FAM83D: variants seen among roughly 807,000 people sequenced by gnomAD.
FAM83D encodes the protein protein FAM83D.
In FAM83D, 26 loss-of-function variants were observed where a neutral mutation model predicts 25.4. The ratio of observed to expected loss-of-function variants is 1.02; its 90% CI spans 0.75 to 1.42. FAM83D has a LOEUF of 1.42. FAM83D is among the 40% of genes most tolerant of loss of function. FAM83D has a pLI of 0.00. For missense variants in FAM83D, 740 were observed against 758.1 expected (o/e 0.98, Z 0.28); for synonymous variants, 310 against 318.5 (o/e 0.97, Z 0.28).
At chr20:38,935,971 G>T (rs2085677067) in intron 1 of FAM83D, among the ~76,000 whole-genome samples, 1 of 152,180 alleles carries the variant, frequency 6.6e-6, no homozygotes, top group African/African-American at 2.4e-5. Context: ...TTAGCAAGAG[G>T]GTCCTGAGAG....
intron 1 of FAM83D, among the ~76,000 whole-genome samples, chr20:38,936,461 C>A (rs1257437955): frequency 1.3e-5 from 2 of 152,050 alleles, no homozygotes; most frequent in Non-Finnish European, 2.9e-5. Flanking sequence ...ATGCCAGGAA[C>A]TGCCAGCAAA....
chr20:38,926,999 G>A (rs971052082), intron 1 of FAM83D, 74 bp downstream of exon 1: 33 of 1,401,494 alleles, frequency 2.4e-5, no homozygotes, highest in Non-Finnish European at 3.0e-5. Context: ...CCTGCTGGGA[G>A]TACGGGCCGG....
intron 1 of FAM83D, among the ~76,000 whole-genome samples, chr20:38,938,829 A>T (rs954039877): frequency 6.6e-6 from 1 of 152,112 alleles, no homozygotes; most frequent in African/African-American, 2.4e-5. Flanking sequence ...ACATTTATTG[A>T]AGTTGCTTAA....
In FAM83D at chr20:38,929,207, G is replaced by A. The variant is rs540968374; in HGVS notation, c.483+2282G>A. ...AAAAAAAAAAAAAAAAATCCAATGAGTATTTTCAGTGTGTCCGATAGATGC... is the reference window on the plus strand; with the variant it reads ...AAAAAAAAAAAAAAAAATCCAATGAATATTTTCAGTGTGTCCGATAGATGC... On this transcript the variant is annotated intron_variant, in intron 1 of 3. Coordinates refer to ENST00000619850, the MANE Select transcript of FAM83D (RefSeq NM_030919.3). 3.0e-3 allele frequency among the ~76,000 whole-genome samples: 453 copies of A among 151,574 alleles called. 3 individuals carry two copies. The highest frequency in any genetic ancestry group is 0.022 in the South Asian group (107 of 4,786).
chr20:38,951,260 G>A (rs2145809266), intron 3 of FAM83D, among the ~76,000 whole-genome samples: 1 of 152,146 alleles, frequency 6.6e-6, no homozygotes, highest in South Asian at 2.1e-4. Flanking sequence ...AACATAGCAA[G>A]ACCCCGTCTC....
In FAM83D at chr20:38,952,599, T is replaced by C; in HGVS notation, c.*79T>C. ...GCTTCCTGCTTTAAAAAATATCTTA[T>C]GTCCCTAATTGCCTTTCTTTTACCT... is the stretch of plus-strand genomic sequence containing the variant. On this transcript the variant is annotated 3_prime_UTR_variant, in exon 4 of 4. Coordinates refer to ENST00000619850, the MANE Select transcript of FAM83D (RefSeq NM_030919.3). 6.9e-7 allele frequency: 1 copy of C among 1,452,918 alleles called. No individual in the cohort carries two copies. The highest frequency in any genetic ancestry group is 9.3e-7 in the Non-Finnish European group (1 of 1,074,242). 90.0% of individuals were successfully genotyped at this position (1,452,918 alleles called of 1,614,324 possible).
intron 2 of FAM83D, 84 bp from the exon 3 acceptor site, chr20:38,947,792 T>A: frequency 6.6e-6 from 10 of 1,512,156 alleles, no homozygotes; most frequent in Non-Finnish European, 9.0e-6. Context: ...AATTGTAAAC[T>A]AAGGCTTTTT....
chr20:38,935,318 T>C (rs2085674307), intron 1 of FAM83D, among the ~76,000 whole-genome samples: 1 of 152,214 alleles, frequency 6.6e-6, no homozygotes, highest in Non-Finnish European at 1.5e-5. Flanking sequence ...GTGTACTTCA[T>C]GCTGGAATAG....
At position 38,926,428 on chromosome 20, in the gene FAM83D, A is replaced by G; in HGVS notation, c.-15A>G. ...GCCGGTTTTTGTCCGAGGGCTGTCGAGTCCGAGCGCCGCCATGGCTCTGCT... is the reference window on the plus strand; with the variant it reads ...GCCGGTTTTTGTCCGAGGGCTGTCGGGTCCGAGCGCCGCCATGGCTCTGCT... On this transcript the variant is annotated 5_prime_UTR_variant, in exon 1 of 4. Coordinates refer to ENST00000619850, the MANE Select transcript of FAM83D (RefSeq NM_030919.3). 3 of 1,597,726 alleles carry G rather than the reference A, an allele frequency of 1.9e-6. No individual in the cohort carries two copies. The highest frequency in any genetic ancestry group is 1.1e-5 in the South Asian group (1 of 90,894).
chr20:38,946,395 AG>A (rs1445144018), intron 2 of FAM83D, among the ~76,000 whole-genome samples: 4 of 152,122 alleles, frequency 2.6e-5, no homozygotes, highest in Non-Finnish European at 5.9e-5. Flanking sequence ...TGTACAGAAA[AG>A]TTTCATGTAC....
chr20:38,926,739 CACCT>C lies in FAM83D; in HGVS notation c.300_303del (p.Tyr101SerfsTer61), dbSNP rs2085637092. The C allele has an allele frequency of 1.3e-6, 2 of 1,532,176 alleles. No individual in the cohort carries two copies. Among genetic ancestry groups the C allele is most frequent in the Non-Finnish European group, 1.7e-6 (2 of 1,146,112 alleles). 94.9% of individuals were successfully genotyped at this position (1,532,176 alleles called of 1,614,324 possible). On this transcript the variant is annotated frameshift_variant, in exon 1 of 4. Coordinates refer to ENST00000619850, the MANE Select transcript of FAM83D (RefSeq NM_030919.3). LOFTEE classifies it high-confidence loss of function. ...GCTCCTCGCACGACTGCTCTTCGGG[CACCT>C]ACTTCCCCGAGCAGTCGGACCTGGA... is the stretch of plus-strand genomic sequence containing the variant.
At chr20:38,943,600 G>C (rs1301511154) in intron 2 of FAM83D, among the ~76,000 whole-genome samples, 1 of 152,192 alleles carries the variant, frequency 6.6e-6, no homozygotes, top group East Asian at 1.9e-4. Flanking sequence ...AAGTGTTTCA[G>C]TGGAAGCCTA....
chr20:38,951,782 T>A lies in FAM83D; in HGVS notation c.1020T>A (p.Thr340=). 1 of 1,614,066 alleles carries A rather than the reference T, an allele frequency of 6.2e-7. No homozygotes were observed. The highest frequency in any genetic ancestry group is 1.7e-5 in the Admixed American group (1 of 60,022). Residue 340 remains threonine, a synonymous_variant, in exon 4 of 4, where the codon ACT becomes ACA. Transcript: ENST00000619850. ...TGCGGCTGGCTAGGCTGTCAAGTAC[T>A]CCCAGGAAGGCGGACCTGGACCCAG... is the stretch of plus-strand genomic sequence containing the variant. ...LRMRLARLSS[T]PRKADLDPEM...
intron 1 of FAM83D, among the ~76,000 whole-genome samples, chr20:38,927,640 C>T (rs2085642108): frequency 1.3e-5 from 2 of 151,434 alleles, no homozygotes; most frequent in South Asian, 2.1e-4. Flanking sequence ...CTGGGATTAC[C>T]GGTGCCCGCC....
rs184561141 is a variant in FAM83D, at chr20:38,933,405, C to A, written c.483+6480C>A. ...GTACACTTAAAAATTATTAAGATGG[C>A]AAACTTATCTATTTTACCACAATAA... On this transcript the variant is annotated intron_variant, in intron 1 of 3. Coordinates refer to ENST00000619850, the MANE Select transcript of FAM83D (RefSeq NM_030919.3). Among the ~76,000 whole-genome samples, 5 of 152,314 alleles carry A rather than the reference C, an allele frequency of 3.3e-5. No individual in the cohort carries two copies. In the East Asian group the frequency reaches 9.6e-4, roughly 29 times the overall value.
At chr20:38,934,969 T>A (rs765083679) in intron 1 of FAM83D, among the ~76,000 whole-genome samples, 4 of 152,230 alleles carry the variant, frequency 2.6e-5, no homozygotes, top group Non-Finnish European at 5.9e-5. Context: ...TGCTACCTTT[T>A]ACCTATAGGG....
chr20:38,935,225 ACAATT>A (rs1353202602), intron 1 of FAM83D, among the ~76,000 whole-genome samples: 2 of 152,164 alleles, frequency 1.3e-5, no homozygotes, highest in African/African-American at 4.8e-5. Flanking sequence ...TAAAATAAAA[ACAATT>A]CAAAATGATA....
rs746291763 is a variant in FAM83D, at chr20:38,951,805, C to G, written c.1043C>G (p.Pro348Arg). 3.7e-6 allele frequency: 6 copies of G among 1,614,056 alleles called. No individual in the cohort carries two copies. In the African/African-American group the frequency reaches 5.3e-5, roughly 14 times the overall value. The stretch of plus-strand genomic sequence containing the variant: ...ACTCCCAGGAAGGCGGACCTGGACC[C>G]AGAGATGCCCGCAGAGGGCAAGGCA... ...SSTPRKADLD[P>R]EMPAEGKAER... The change falls in exon 4 of 4, where the codon CCA (proline) becomes CGA (arginine). Residue 348 changes from proline (P) to arginine (R), a missense_variant. By Grantham distance (103) the Pro-to-Arg change is moderately radical (BLOSUM62 -2). Around this residue, in one of 3 missense-constraint regions of FAM83D, gnomAD observed 375 missense variants for 403.2 expected, o/e 0.93. Transcript: ENST00000619850.
Position 38,952,243 on chromosome 20 carries a change from C to T in FAM83D, c.1481C>T (p.Pro494Leu), listed in dbSNP as rs537005574. 39 of 1,614,170 alleles carry T rather than the reference C, an allele frequency of 2.4e-5. No individual in the cohort carries two copies. Among genetic ancestry groups the T allele is most frequent in the South Asian group, 4.4e-5 (4 of 91,088 alleles). ...TCTGTGGCAAGCTCCACTGGTTCTC[C>T]CGCTTCCATCAGAACCACTGACTTC... ...QGSVASSTGSPASIRTTDFHN... is the reference protein window; with the variant it reads ...QGSVASSTGSLASIRTTDFHN... Residue 494 changes from proline to leucine, a missense_variant, in exon 4 of 4, where the codon CCC becomes CTC. This residue lies in a region of FAM83D where 375 missense variants were observed against 403.2 expected (regional missense o/e 0.93). Coordinates refer to ENST00000619850, the MANE Select transcript of FAM83D (RefSeq NM_030919.3).
Sources: allele counts gnomAD v4.1 joint callset (sites outside exome capture counted in the v4.1 genomes callset), GRCh38; gene constraint gnomAD v4.1.1; regional missense constraint gnomAD v4.1.1; transcripts MANE v1.5; gene names NCBI Gene and HGNC (gene_info 2026-07-23, HGNC 2026-07-21).